The following RSPO4 variants were observed in gnomAD, a reference collection of about 807,000 sequenced individuals.
RSPO4 encodes the protein R-spondin-4.
A neutral mutation model predicts 24.8 loss-of-function variants in RSPO4; 23 were observed. The observed-to-expected ratio is 0.93, with a 90% CI of 0.67 to 1.31. The LOEUF (loss-of-function observed/expected upper bound fraction) is 1.31. Ranked by LOEUF, RSPO4 falls within the 40% of genes most tolerant of loss-of-function variation. The probability of loss-of-function intolerance (pLI) is 0.00; values close to 1 mark genes in which losing one functional copy is unlikely to be tolerated. For missense variants in RSPO4, 333 were observed against 316.5 expected, an observed-to-expected ratio of 1.05 and a Z score of -0.39; for synonymous variants, 141 against 127.4, an observed-to-expected ratio of 1.11 and a Z score of -0.72.
At chr20:967,800 A>C (rs1021354757) in intron 2 of RSPO4, 150 bp downstream of exon 2, 1 of 832,094 alleles carries the variant, frequency 1.2e-6, no homozygotes, top group African/African-American at 1.7e-5. Flanking sequence ...CGGGCTGCGG[A>C]GTCAGCCTGG....
chr20:969,477 A>T (rs1984341717), intron 1 of RSPO4, among the ~76,000 whole-genome samples: 1 of 152,218 alleles, frequency 6.6e-6, no homozygotes, highest in Non-Finnish European at 1.5e-5. Context: ...CCCTGCTTGG[A>T]CATAAACTCA....
intron 1 of RSPO4, among the ~76,000 whole-genome samples, chr20:998,376 AT>A (rs1366967252): frequency 3.3e-5 from 5 of 152,222 alleles, no homozygotes; most frequent in Non-Finnish European, 7.3e-5. Flanking sequence ...TTTCAAAAAA[AT>A]GTCCCCATCT....
At position 981,640 on chromosome 20, in the gene RSPO4, T is replaced by G. The variant is rs998342490; in HGVS notation, c.80-13502A>C. On this transcript the variant is annotated intron_variant, in intron 1 of 4. Transcript: ENST00000217260. The surrounding 1 kb of genome is among the most constrained non-coding windows in gnomAD (Gnocchi z 4.6). ...CCCAAGCAGCCTGAGTTGGGGACAG[T>G]CCCTGCCAGGCCCAGCATGGCAGAA... Among the ~76,000 whole-genome samples the G allele has an allele frequency of 6.6e-6, 1 of 152,202 alleles. No homozygotes were observed. The highest frequency in any genetic ancestry group is 1.5e-5 in the Non-Finnish European group (1 of 68,028).
In RSPO4 at chr20:970,058, C is replaced by G. The variant is rs1195479000; in HGVS notation, c.80-1920G>C. 6.6e-6 allele frequency among the ~76,000 whole-genome samples: 1 copy of G among 152,128 alleles called. No individual in the cohort carries two copies. Among genetic ancestry groups the G allele is most frequent in the Non-Finnish European group, 1.5e-5 (1 of 68,024 alleles). ...ATGAAACACATCCTGGCACCTTCCC[C>G]CTGGAACAGAAACCAAAAGAGTTCT... is the stretch of plus-strand genomic sequence containing the variant. On this transcript the variant is annotated intron_variant, in intron 1 of 4. Transcript: ENST00000217260. This position sits in a 1 kb window ranked among gnomAD's most constrained non-coding sequence, Gnocchi z 4.1.
chr20:993,726 A>T (rs1010849204), intron 1 of RSPO4, among the ~76,000 whole-genome samples: 1 of 152,182 alleles, frequency 6.6e-6, no homozygotes, highest in Non-Finnish European at 1.5e-5. Flanking sequence ...TGGGGTAGAA[A>T]CATGAAATTG....
chr20:979,989 A>G (rs1422819055), intron 1 of RSPO4, among the ~76,000 whole-genome samples: 1 of 152,162 alleles, frequency 6.6e-6, no homozygotes, highest in Non-Finnish European at 1.5e-5. Flanking sequence ...GGGATGAGCC[A>G]CGGCACACTG....
chr20:984,946 TCCATCCAC>T (rs776794198), intron 1 of RSPO4, among the ~76,000 whole-genome samples: 2,347 of 121,862 alleles, frequency 0.019, 170 homozygotes, highest in East Asian at 0.17. Context: ...CATCCATCCA[TCCATCCAC>T]CCACCCACCC....
chr20:967,371 T>C (rs1984247516), intron 2 of RSPO4, 57 bp from the exon 3 acceptor site: 1 of 1,597,890 alleles, frequency 6.3e-7, no homozygotes, highest in East Asian at 2.2e-5. Flanking sequence ...TGGGGCCCAC[T>C]GGGTCTGCCC....
intron 4 of RSPO4, among the ~76,000 whole-genome samples, chr20:961,859 A>C (rs1355782465): frequency 6.6e-6 from 1 of 151,558 alleles, no homozygotes; most frequent in African/African-American, 2.4e-5. Context: ...ATACCCAATG[A>C]CCCATCCATC....
At chr20:995,443 G>A (rs1985244955) in intron 1 of RSPO4, among the ~76,000 whole-genome samples, 1 of 152,148 alleles carries the variant, frequency 6.6e-6, no homozygotes, top group South Asian at 2.1e-4. Context: ...ACTGGGGTGA[G>A]GACCAAAGGA....
intron 4 of RSPO4, among the ~76,000 whole-genome samples, chr20:962,894 C>T (rs1019483996): frequency 1.3e-5 from 2 of 152,196 alleles, no homozygotes; most frequent in African/African-American, 2.4e-5. Context: ...GGCCTCAGTC[C>T]CCTCATCTGT....
chr20:1,002,232 G>C lies in RSPO4; in HGVS notation c.-68C>G, dbSNP rs1487117872. 84 of 1,153,246 alleles carry C rather than the reference G, an allele frequency of 7.3e-5. 1 individual carries two copies. In the East Asian group the frequency reaches 3.1e-3, roughly 42 times the overall value. The allele number at this position is 1,153,246 out of a possible 1,614,324, so 71.4% of individuals were successfully genotyped here. ...CGGCCCAAGGGCCCCACGTCCCGGC[G>C]GCGGCACGGCGGGCGCGGGGGCTGC... On this transcript the variant is annotated 5_prime_UTR_variant, in exon 1 of 5. Transcript: ENST00000217260. The surrounding 1 kb of genome is among the most constrained non-coding windows in gnomAD (Gnocchi z 4.6).
intron 1 of RSPO4, among the ~76,000 whole-genome samples, chr20:984,858 T>C (rs1250066120): frequency 6.6e-6 from 1 of 151,622 alleles, no homozygotes. Flanking sequence ...CATCCATCCA[T>C]CCACCCACCC....
intron 1 of RSPO4, among the ~76,000 whole-genome samples, chr20:996,931 C>T (rs968892105): frequency 5.3e-5 from 8 of 152,180 alleles, no homozygotes; most frequent in African/African-American, 1.7e-4. Context: ...TCCTACTCCC[C>T]CCGATGGGGT....
At position 990,061 on chromosome 20, in the gene RSPO4, G is replaced by T. The variant is rs1423201605; in HGVS notation, c.79+12025C>A. 2.0e-5 allele frequency among the ~76,000 whole-genome samples: 3 copies of T among 152,170 alleles called. No individual in the cohort carries two copies. In the South Asian group the frequency reaches 6.2e-4, roughly 32 times the overall value. ...AAACTGAGGCTCGGAGAGGTAAAGGGCTTGGCCCAAGCATTCACAGGAGGA... is the reference window on the plus strand; with the variant it reads ...AAACTGAGGCTCGGAGAGGTAAAGGTCTTGGCCCAAGCATTCACAGGAGGA... On this transcript the variant is annotated intron_variant, in intron 1 of 4. Transcript: ENST00000217260.
chr20:992,539 C>A (rs760138336), intron 1 of RSPO4, among the ~76,000 whole-genome samples: 3 of 152,176 alleles, frequency 2.0e-5, no homozygotes, highest in Non-Finnish European at 4.4e-5. Flanking sequence ...ACCTCTCCCC[C>A]CATGACGCAT....
chr20:963,904 C>A (rs776763669), intron 4 of RSPO4, 31 bp downstream of exon 4: 1 of 1,610,068 alleles, frequency 6.2e-7, no homozygotes, highest in Non-Finnish European at 8.5e-7. Context: ...CCTTTCCCAC[C>A]GCAGCCTCGT....
intron 4 of RSPO4, among the ~76,000 whole-genome samples, chr20:962,151 T>C (rs1156365944): frequency 6.6e-6 from 1 of 152,100 alleles, no homozygotes; most frequent in African/African-American, 2.4e-5. Context: ...TCACTGGAGA[T>C]CACACTCCAG....
At chr20:997,712 G>A (rs1245840496) in intron 1 of RSPO4, among the ~76,000 whole-genome samples, 1 of 152,198 alleles carries the variant, frequency 6.6e-6, no homozygotes, top group Admixed American at 6.5e-5. Context: ...CTGTCTGCCT[G>A]GCCCTCCACA....
Sources: allele counts gnomAD v4.1 joint callset (sites outside exome capture counted in the v4.1 genomes callset), GRCh38; gene constraint gnomAD v4.1.1; non-coding constraint Gnocchi (gnomAD v3.1); transcripts MANE v1.5; gene names NCBI Gene and HGNC (gene_info 2026-07-23, HGNC 2026-07-21).